The following RYR3 variants were observed in gnomAD, a reference collection of about 807,000 sequenced individuals.
RYR3 encodes brain ryanodine receptor-calcium release channel.
A neutral mutation model predicts 584.3 loss-of-function variants in RYR3; 207 were observed. That is an observed-to-expected ratio of 0.35 (90% confidence interval 0.32 to 0.40). RYR3 has a LOEUF of 0.40. Among genes scored for constraint, RYR3 ranks in the 10% least tolerant of loss-of-function variants. The pLI, the probability that RYR3 is intolerant of heterozygous loss-of-function variation, is 1.00. For synonymous variants in RYR3, 2,416 were observed against 2,248.5 expected (o/e 1.07, Z -2.11); for missense variants, 5,616 against 6,089.2 (o/e 0.92, Z 2.59).
chr15:33,584,993 G>A (rs2058775034), intron 15 of RYR3, among the ~76,000 whole-genome samples: 1 of 152,026 alleles, frequency 6.6e-6, no homozygotes, highest in African/African-American at 2.4e-5. Flanking sequence ...CCTCCCTCAT[G>A]ACTTACGGAG....
In RYR3 at chr15:33,859,704, ATTGTCAT is replaced by A; in HGVS notation, c.14273_14279del (p.Ile4758ThrfsTer17). On this transcript the variant is annotated frameshift_variant, in exon 100 of 104. Transcript: ENST00000634891. LOFTEE classifies it high-confidence loss of function. ...TGACATTACCTTTTTCTTCTTCGTC[ATTGTCAT>A]CTTGCTGGCCATCATTCAAGGTATG... 6.2e-7 allele frequency: 1 copy of A among 1,611,874 alleles called. No individual in the cohort carries two copies. The highest frequency in any genetic ancestry group is 8.5e-7 in the Non-Finnish European group (1 of 1,178,826).
chr15:33,798,219 G>A (rs2075733948), intron 67 of RYR3, among the ~76,000 whole-genome samples: 1 of 152,006 alleles, frequency 6.6e-6, no homozygotes, highest in South Asian at 2.1e-4. Context: ...CTCCCAAGTA[G>A]CTGGGATTAT....
intron 93 of RYR3, 55 bp downstream of exon 93, chr15:33,845,117 T>C: frequency 6.3e-7 from 1 of 1,582,076 alleles, no homozygotes; most frequent in Non-Finnish European, 8.7e-7. Context: ...GAAATGTCCT[T>C]TTTGAGCCCA....
At chr15:33,855,920 C>G (rs1031541339) in intron 98 of RYR3, 4 of 152,154 alleles carry the variant, frequency 2.6e-5, no homozygotes, top group African/African-American at 7.2e-5. Flanking sequence ...TCATTAAGTA[C>G]AAGTCTGTGT....
intron 1 of RYR3, among the ~76,000 whole-genome samples, chr15:33,440,844 A>G (rs1257230566): frequency 6.9e-6 from 1 of 144,396 alleles, no homozygotes; most frequent in Admixed American, 7.2e-5. Context: ...TAGTGAAAAC[A>G]TGTTAATACA....
At chr15:33,831,703 T>C (rs1423299027) in intron 86 of RYR3, among the ~76,000 whole-genome samples, 1 of 152,254 alleles carries the variant, frequency 6.6e-6, no homozygotes, top group Admixed American at 6.5e-5. Flanking sequence ...GTGGTCTAGC[T>C]ACTTTAGAAA....
chr15:33,669,084 A>G (rs1326199944), intron 36 of RYR3, among the ~76,000 whole-genome samples: 1 of 152,212 alleles, frequency 6.6e-6, no homozygotes, highest in East Asian at 1.9e-4. Flanking sequence ...GACATTAGCT[A>G]AAATATTAAC....
In RYR3 at chr15:33,815,727, T is replaced by C. The variant is rs2076782151; in HGVS notation, c.10503-1135T>C. ...TTCTCTTCTCCACCTTGTGATCATCTAACCGCACAGAATCTCCCAAACTAA... is the reference window on the plus strand; with the variant it reads ...TTCTCTTCTCCACCTTGTGATCATCCAACCGCACAGAATCTCCCAAACTAA... On this transcript the variant is annotated intron_variant, in intron 74 of 103. Transcript: ENST00000634891. The C allele has an allele frequency of 1.3e-5, 5 of 394,204 alleles. No individual in the cohort carries two copies. The South Asian group carries it at 7.0e-4, about 55-fold the overall frequency. 24.4% of individuals were successfully genotyped at this position (394,204 alleles called of 1,614,324 possible).
At chr15:33,773,183 T>C (rs1212746285) in intron 63 of RYR3, among the ~76,000 whole-genome samples, 1 of 152,206 alleles carries the variant, frequency 6.6e-6, no homozygotes, top group Non-Finnish European at 1.5e-5. Flanking sequence ...GAAGGAAATA[T>C]TGCCCTGGAT....
Position 33,624,042 on chromosome 15 carries a change from C to T in RYR3, c.2574+19C>T, listed in dbSNP as rs752250396. 1.3e-6 allele frequency: 2 copies of T among 1,531,172 alleles called. No homozygotes were observed. Among genetic ancestry groups the T allele is most frequent in the Admixed American group, 1.7e-5 (1 of 59,698 alleles). The allele number at this position is 1,531,172 out of a possible 1,614,324, so 94.8% of individuals were successfully genotyped here. On this transcript the variant is annotated intron_variant, in intron 20 of 103. Coordinates refer to ENST00000634891, the MANE Select transcript of RYR3 (RefSeq NM_001036.6). ...CAGTCAGGTAGGTTCAAATTGCCCG[C>T]AGAAGGCAACCAATATAGATGAAGC... is the stretch of plus-strand genomic sequence containing the variant.
chr15:33,735,361 G>T (rs1353176922), intron 48 of RYR3, among the ~76,000 whole-genome samples: 2 of 152,208 alleles, frequency 1.3e-5, no homozygotes, highest in African/African-American at 4.8e-5. Context: ...GACGACTTTT[G>T]TTCTCCATCT....
chr15:33,728,917 T>C lies in RYR3; in HGVS notation c.7094T>C (p.Met2365Thr). The C allele has an allele frequency of 6.2e-7, 1 of 1,613,772 alleles. No individual in the cohort carries two copies. The highest frequency in any genetic ancestry group is 8.5e-7 in the Non-Finnish European group (1 of 1,179,804). The change falls in exon 47 of 104, where the codon ATG becomes ACG. Residue 2365 changes from methionine to threonine, a missense_variant. Transcript: ENST00000634891. ...TTCTGCCCTGACCACAAGGCACCTA[T>C]GGTGCTGTTCTTGGACCGCGTTTAT... Reference protein sequence around the residue: ...ANFCPDHKAPMVLFLDRVYGI... With the variant: ...ANFCPDHKAPTVLFLDRVYGI...
chr15:33,854,426 C>T lies in RYR3; in HGVS notation c.13837C>T (p.Leu4613Phe), dbSNP rs772773041. Reference protein sequence around the residue: ...SIDMKYHIWKLGVVFTDNSFL... With the variant: ...SIDMKYHIWKFGVVFTDNSFL... ...AGACATGAAGTACCATATCTGGAAG[C>T]TTGGAGTTGTTTTTACTGACAACGT... Residue 4613 changes from leucine to phenylalanine, a missense_variant, in exon 97 of 104, where the codon CTT becomes TTT. Physicochemically the swap from Leu to Phe is conservative, Grantham distance 22. Around this residue, in one of 9 missense-constraint regions of RYR3, gnomAD observed 918 missense variants for 887.4 expected, o/e 1.03. Transcript: ENST00000634891. The T allele has an allele frequency of 1.9e-6, 3 of 1,575,928 alleles. No homozygotes were observed. The highest frequency in any genetic ancestry group is 2.3e-5 in the South Asian group (2 of 85,912).
At chr15:33,489,352 C>T (rs1316141602) in intron 2 of RYR3, among the ~76,000 whole-genome samples, 1 of 152,136 alleles carries the variant, frequency 6.6e-6, no homozygotes, top group Non-Finnish European at 1.5e-5. Context: ...TGCTCCTCTC[C>T]CTCCTCCCAC....
chr15:33,548,290 A>C, intron 9 of RYR3, 86 bp downstream of exon 9: 1 of 799,170 alleles, frequency 1.3e-6, no homozygotes, highest in South Asian at 1.7e-5. Context: ...TTCATTCCAC[A>C]TCATCTGGCA....
chr15:33,602,318 C>A (rs1208673439), intron 17 of RYR3, among the ~76,000 whole-genome samples: 2 of 152,186 alleles, frequency 1.3e-5, no homozygotes, highest in Admixed American at 1.3e-4. Flanking sequence ...TGATTCCTAA[C>A]ATAAAAACTC....
chr15:33,368,881 G>A (rs1975907783), intron 1 of RYR3, among the ~76,000 whole-genome samples: 1 of 152,156 alleles, frequency 6.6e-6, no homozygotes, highest in African/African-American at 2.4e-5. Flanking sequence ...AAACATGACA[G>A]TGTCCTGAAA....
At position 33,312,575 on chromosome 15, in the gene RYR3, T is replaced by A. The variant is rs115269692; in HGVS notation, c.51+1479T>A. ...CTGCTCCCCTCAAAGCTCCATCAAATCCTTTGGTTGTCCCTCTGACAGGTG... is the reference window on the plus strand; with the variant it reads ...CTGCTCCCCTCAAAGCTCCATCAAAACCTTTGGTTGTCCCTCTGACAGGTG... On this transcript the variant is annotated intron_variant, in intron 1 of 103. Transcript: ENST00000634891. 3.0e-3 allele frequency among the ~76,000 whole-genome samples: 459 copies of A among 152,284 alleles called. 4 individuals are homozygous for A. Among genetic ancestry groups the A allele is most frequent in the African/African-American group, 9.8e-3 (406 of 41,560 alleles).
chr15:33,408,787 A>G (rs1012525995), intron 1 of RYR3, among the ~76,000 whole-genome samples: 2 of 152,188 alleles, frequency 1.3e-5, no homozygotes, highest in South Asian at 4.1e-4. Context: ...GCCATCCTGT[A>G]TTTTATCTGG....
Sources: allele counts gnomAD v4.1 joint callset (sites outside exome capture counted in the v4.1 genomes callset), GRCh38; gene constraint gnomAD v4.1.1; regional missense constraint gnomAD v4.1.1; transcripts MANE v1.5; gene names NCBI Gene and HGNC (gene_info 2026-07-23, HGNC 2026-07-21).